The following FNDC3B variants were observed in gnomAD, a reference collection of about 807,000 sequenced individuals.
FNDC3B encodes the protein fibronectin type III domain containing 3B.
Under a neutral mutation model 151.5 loss-of-function variants are expected in FNDC3B, and 12 were observed. The observed-to-expected ratio is 0.08, with a 90% confidence interval of 0.05 to 0.13. The LOEUF (loss-of-function observed/expected upper bound fraction) is 0.13, where lower values mean the gene tolerates loss of function less well. Among genes scored for constraint, FNDC3B ranks in the 10% least tolerant of loss-of-function variants. The pLI is 1.00. For synonymous variants in FNDC3B, 528 were observed against 549.0 expected (o/e 0.96, Z 0.54); for missense variants, 1,214 against 1,505.3 (o/e 0.81, Z 3.20).
chr3:172,355,419 AGT>A (rs1342958155), intron 22 of FNDC3B, among the ~76,000 whole-genome samples: 15 of 152,196 alleles, frequency 9.9e-5, no homozygotes, highest in Admixed American at 2.6e-4. Flanking sequence ...TGATTCTCAA[AGT>A]GTGGTCCCTG....
intron 11 of FNDC3B, among the ~76,000 whole-genome samples, chr3:172,325,986 G>A (rs188450193): frequency 6.6e-6 from 1 of 152,038 alleles, no homozygotes; most frequent in Non-Finnish European, 1.5e-5. Flanking sequence ...ACCACGCCTG[G>A]GTAATGTCTT....
intron 25 of FNDC3B, among the ~76,000 whole-genome samples, chr3:172,385,094 C>T (rs1224551782): frequency 6.6e-6 from 1 of 151,306 alleles, no homozygotes; most frequent in East Asian, 1.9e-4. Context: ...TCTGGCTTCT[C>T]GCTATTCAGC....
intron 9 of FNDC3B, 22 bp downstream of exon 9, chr3:172,298,809 A>G (rs144797544): frequency 3.2e-5 from 51 of 1,576,124 alleles, no homozygotes; most frequent in Middle Eastern, 1.7e-4. Context: ...TATAAGAGCC[A>G]AACTGTATTG....
At chr3:172,293,736 A>G (rs1730455618) in intron 7 of FNDC3B, among the ~76,000 whole-genome samples, 1 of 152,226 alleles carries the variant, frequency 6.6e-6, no homozygotes, top group Non-Finnish European at 1.5e-5. Flanking sequence ...ATATATCATG[A>G]TATTCTATTT....
At chr3:172,155,621 T>A (rs1290043759) in intron 3 of FNDC3B, among the ~76,000 whole-genome samples, 1 of 152,200 alleles carries the variant, frequency 6.6e-6, no homozygotes, top group African/African-American at 2.4e-5. Flanking sequence ...AGCCATTTTC[T>A]CCTATTGCTC....
intron 24 of FNDC3B, 25 bp downstream of exon 24, chr3:172,378,461 C>T (rs370814461): frequency 1.3e-5 from 20 of 1,565,890 alleles, no homozygotes; most frequent in Middle Eastern, 1.7e-4. Context: ...TATTCTTTCT[C>T]GCTCTCTTGT....
intron 24 of FNDC3B, among the ~76,000 whole-genome samples, chr3:172,380,237 C>A (rs590374): frequency 0.71 from 107,129 of 151,768 alleles, 39,296 homozygotes; most frequent in Non-Finnish European, 0.83. Flanking sequence ...GGAAAATGTC[C>A]TATTGAATCA....
chr3:172,151,146 T>G (rs1224370543), intron 3 of FNDC3B, among the ~76,000 whole-genome samples: 5 of 152,214 alleles, frequency 3.3e-5, no homozygotes, highest in Admixed American at 6.5e-5. Context: ...GCGGAAAGCC[T>G]TATTTATTTT....
intron 23 of FNDC3B, among the ~76,000 whole-genome samples, chr3:172,363,374 A>G (rs181164246): frequency 3.9e-4 from 59 of 152,348 alleles, no homozygotes; most frequent in African/African-American, 1.4e-3. Context: ...CCCAGGAAAC[A>G]TTCTTGGCTG....
chr3:172,177,648 G>A (rs1427964472), intron 3 of FNDC3B, among the ~76,000 whole-genome samples: 8 of 18,080 alleles, frequency 4.4e-4, no homozygotes, highest in Non-Finnish European at 6.3e-4. Flanking sequence ...TTTTTTTTTT[G>A]CACAGGGGCA....
chr3:172,367,061 A>G (rs994212822), intron 23 of FNDC3B, among the ~76,000 whole-genome samples: 2 of 152,216 alleles, frequency 1.3e-5, no homozygotes, highest in African/African-American at 2.4e-5. Context: ...GAATTCATCT[A>G]GATCACCTGG....
chr3:172,046,960 C>A (rs547958544), intron 1 of FNDC3B: 1 of 152,168 alleles, frequency 6.6e-6, no homozygotes, highest in Non-Finnish European at 1.5e-5. Flanking sequence ...AAGTTCAACT[C>A]TTTGCTACCT....
intron 10 of FNDC3B, among the ~76,000 whole-genome samples, chr3:172,308,942 C>G (rs1011520978): frequency 6.6e-6 from 1 of 152,096 alleles, no homozygotes; most frequent in Non-Finnish European, 1.5e-5. Context: ...CCTGAGGGAT[C>G]CCGGGGTCTT....
Position 172,112,607 on chromosome 3 carries a change from G to A in FNDC3B, c.111+17G>A, listed in dbSNP as rs765823635. On this transcript the variant is annotated intron_variant, in intron 2 of 25. Coordinates refer to ENST00000415807, the MANE Select transcript of FNDC3B (RefSeq NM_022763.4). ...GCTCAGCAGGTTGGTGTAGGAAGAG[G>A]GAAATTTAAGTCAAATTGTCTAAGT... The A allele has an allele frequency of 1.7e-5, 26 of 1,515,028 alleles. No individual in the cohort carries two copies. The South Asian group carries it at 2.2e-4, about 13-fold the overall frequency. 93.8% of individuals were successfully genotyped at this position (1,515,028 alleles called of 1,614,324 possible). A position where few individuals can be genotyped will look rare whatever the true frequency, so the allele number is the denominator to read the frequency against.
rs545219422 is a variant in FNDC3B at position 172,144,430 on chromosome 3, C to A, written c.187+10884C>A. Among the ~76,000 whole-genome samples the A allele has an allele frequency of 5.3e-5, 8 of 152,262 alleles. No individual in the cohort carries two copies. The South Asian group carries it at 1.4e-3, about 28-fold the overall frequency. The stretch of plus-strand genomic sequence containing the variant: ...TGGCATAATGGTTTTTCTCTACCAG[C>A]GGTGTGATTGAAGAGGGCAGGCAGG... On this transcript the variant is annotated intron_variant, in intron 3 of 25. Transcript: ENST00000415807.
chr3:172,120,584 GTT>G (rs1720487241), intron 2 of FNDC3B, among the ~76,000 whole-genome samples: 1 of 151,744 alleles, frequency 6.6e-6, no homozygotes, highest in African/African-American at 2.4e-5. Context: ...GGGTGTGTGT[GTT>G]GTTTTTGTTT....
At chr3:172,294,538 T>G (rs879683252) in intron 7 of FNDC3B, among the ~76,000 whole-genome samples, 1 of 152,158 alleles carries the variant, frequency 6.6e-6, no homozygotes, top group Non-Finnish European at 1.5e-5. Flanking sequence ...AATGATCCAG[T>G]CACCTCCCAC....
At chr3:172,373,583 GCTTA>G (rs767936918) in intron 23 of FNDC3B, among the ~76,000 whole-genome samples, 1 of 152,140 alleles carries the variant, frequency 6.6e-6, no homozygotes, top group South Asian at 2.1e-4. Flanking sequence ...AAGGCCTCTG[GCTTA>G]CTTATTAATG....
At chr3:172,211,924 G>A (rs943352742) in intron 3 of FNDC3B, among the ~76,000 whole-genome samples, 1 of 152,174 alleles carries the variant, frequency 6.6e-6, no homozygotes, top group African/African-American at 2.4e-5. Context: ...AATTAAAGAT[G>A]TTTATAAATG....
Sources: gnomAD v4.1 joint callset for allele counts (sites outside exome capture counted in the v4.1 genomes callset) on GRCh38, gnomAD v4.1.1 for gene constraint, MANE v1.5 for transcripts, NCBI Gene and HGNC (gene_info 2026-07-23, HGNC 2026-07-21) for gene names.